Variants in PCDH7 observed in about 807,000 individuals in gnomAD.
PCDH7 encodes protocadherin-7.
PCDH7 carries 17 observed loss-of-function variants against 58.9 expected under a neutral mutation model. That is an observed-to-expected ratio of 0.29 (90% CI 0.20 to 0.43). The LOEUF (loss-of-function observed/expected upper bound fraction) is 0.43. Among genes scored for constraint, PCDH7 ranks in the 20% least tolerant of loss-of-function variants. PCDH7 has a pLI of 1.00. For synonymous variants in PCDH7, 664 were observed against 616.4 expected (o/e 1.08, Z -1.14); for missense variants, 1,274 against 1,441.0 (o/e 0.88, Z 1.88).
intron 3 of PCDH7, among the ~76,000 whole-genome samples, chr4:30,983,769 T>C (rs1750756838): frequency 6.6e-6 from 1 of 152,232 alleles, no homozygotes; most frequent in African/African-American, 2.4e-5. Flanking sequence ...CTAGTGGATA[T>C]GCCAAAGTCA....
chr4:30,804,894 G>A (rs911628757), intron 1 of PCDH7, among the ~76,000 whole-genome samples: 1 of 152,096 alleles, frequency 6.6e-6, no homozygotes, highest in Non-Finnish European at 1.5e-5. Flanking sequence ...CTATGTAGTC[G>A]TTCTCTATTA....
intron 1 of PCDH7, among the ~76,000 whole-genome samples, chr4:30,868,258 C>T (rs1298171073): frequency 6.6e-6 from 1 of 152,016 alleles, no homozygotes; most frequent in African/African-American, 2.4e-5. Flanking sequence ...CGTTTAATCC[C>T]TATTATAGTG....
At chr4:30,901,696 T>C (rs951569639) in intron 1 of PCDH7, among the ~76,000 whole-genome samples, 5 of 151,948 alleles carry the variant, frequency 3.3e-5, no homozygotes, top group African/African-American at 1.2e-4. Context: ...TCTGGTGGAG[T>C]TCAAACTGGA....
chr4:30,726,362 C>T (rs777907716), intron 1 of PCDH7, among the ~76,000 whole-genome samples: 4 of 151,952 alleles, frequency 2.6e-5, no homozygotes, highest in African/African-American at 4.8e-5. Context: ...ATAGCATTTG[C>T]GTTCTAAATT....
chr4:31,051,072 A>AT (rs569582256), intron 3 of PCDH7, among the ~76,000 whole-genome samples: 2 of 152,106 alleles, frequency 1.3e-5, no homozygotes, highest in African/African-American at 2.4e-5. Context: ...TATTTGTGTG[A>AT]TTTTTATTGG....
chr4:31,085,165 G>A (rs1252249616), intron 3 of PCDH7, among the ~76,000 whole-genome samples: 3 of 151,944 alleles, frequency 2.0e-5, no homozygotes, highest in South Asian at 2.1e-4. Flanking sequence ...CAGGAGTGCC[G>A]ATTGGTCAGA....
intron 3 of PCDH7, among the ~76,000 whole-genome samples, chr4:30,960,994 T>C (rs1223326162): frequency 6.6e-6 from 1 of 152,168 alleles, no homozygotes; most frequent in Non-Finnish European, 1.5e-5. Context: ...GACTAAAATA[T>C]GTGAATTATG....
intron 3 of PCDH7, among the ~76,000 whole-genome samples, chr4:31,034,136 C>T (rs1755188913): frequency 6.6e-6 from 1 of 151,692 alleles, no homozygotes; most frequent in Non-Finnish European, 1.5e-5. Flanking sequence ...CAGATTTATC[C>T]CATCCAGCAA....
chr4:31,082,665 T>A (rs1203927254), intron 3 of PCDH7, among the ~76,000 whole-genome samples: 6 of 149,966 alleles, frequency 4.0e-5, no homozygotes, highest in African/African-American at 1.5e-4. Context: ...CTAAGTGAAG[T>A]AACACAAAAG....
At chr4:30,886,718 C>A (rs1737846015) in intron 1 of PCDH7, among the ~76,000 whole-genome samples, 1 of 151,568 alleles carries the variant, frequency 6.6e-6, no homozygotes, top group Non-Finnish European at 1.5e-5. Context: ...GACTTGGAAC[C>A]AACTCAAACG....
intron 3 of PCDH7, among the ~76,000 whole-genome samples, chr4:30,979,716 A>G (rs1051167734): frequency 9.2e-5 from 14 of 151,934 alleles, no homozygotes; most frequent in African/African-American, 3.4e-4. Flanking sequence ...TTGATTTCCA[A>G]TTAAAGTCAA....
intron 3 of PCDH7, among the ~76,000 whole-genome samples, chr4:31,116,865 C>G (rs893115330): frequency 6.6e-6 from 1 of 151,798 alleles, no homozygotes; most frequent in African/African-American, 2.4e-5. Context: ...GACGGAGTTT[C>G]GCTCTTCTTG....
intron 3 of PCDH7, among the ~76,000 whole-genome samples, chr4:31,091,760 C>G (rs530280040): frequency 1.3e-5 from 2 of 152,036 alleles, no homozygotes; most frequent in South Asian, 4.1e-4. Context: ...ATATATAATT[C>G]TCACTCCACT....
intron 3 of PCDH7, among the ~76,000 whole-genome samples, chr4:31,113,955 C>G (rs182146812): frequency 3.6e-4 from 55 of 151,412 alleles, no homozygotes; most frequent in African/African-American, 1.3e-3. Flanking sequence ...GCCGCAGCCT[C>G]CCTGGTAGCT....
At chr4:31,055,042 T>C (rs1001693354) in intron 3 of PCDH7, among the ~76,000 whole-genome samples, 2 of 152,174 alleles carry the variant, frequency 1.3e-5, no homozygotes, top group Non-Finnish European at 2.9e-5. Context: ...TAGGAGGTTT[T>C]AGCAACTTAT....
At chr4:30,840,579 A>T (rs1420742551) in intron 1 of PCDH7, among the ~76,000 whole-genome samples, 1 of 152,184 alleles carries the variant, frequency 6.6e-6, no homozygotes, top group Non-Finnish European at 1.5e-5. Context: ...TTTTATAGAA[A>T]CAATAATGAG....
chr4:30,813,899 C>T (rs1458681506), intron 1 of PCDH7, among the ~76,000 whole-genome samples: 1 of 152,152 alleles, frequency 6.6e-6, no homozygotes, highest in Non-Finnish European at 1.5e-5. Flanking sequence ...CTCGGCCTCC[C>T]AAAGTGCTGG....
At chr4:30,841,011 T>C (rs1285955375) in intron 1 of PCDH7, among the ~76,000 whole-genome samples, 1 of 151,986 alleles carries the variant, frequency 6.6e-6, no homozygotes, top group African/African-American at 2.4e-5. Context: ...AAATGACAAC[T>C]AAAAAATACA....
intron 3 of PCDH7, among the ~76,000 whole-genome samples, chr4:31,131,214 A>G (rs1718941649): frequency 6.6e-6 from 1 of 152,126 alleles, no homozygotes; most frequent in South Asian, 2.1e-4. Context: ...GAGGTTTAAC[A>G]GTGAGATTTT....
Sources: gnomAD v4.1 joint callset for allele counts (sites outside exome capture counted in the v4.1 genomes callset) on GRCh38, gnomAD v4.1.1 for gene constraint, MANE v1.5 for transcripts, NCBI Gene and HGNC (gene_info 2026-07-23, HGNC 2026-07-21) for gene names.